Variants in TBC1D32 observed in about 807,000 individuals in gnomAD.
The protein encoded by TBC1D32 is protein broad-minded.
Under a neutral mutation model 170.3 loss-of-function variants are expected in TBC1D32, and 151 were observed. That is an observed-to-expected ratio of 0.89 (90% CI 0.78 to 1.01). The LOEUF (loss-of-function observed/expected upper bound fraction) is 1.01, where lower values mean the gene tolerates loss of function less well. Ranked by LOEUF, TBC1D32 falls within the 50% of genes least tolerant of loss-of-function variation. The probability of loss-of-function intolerance (pLI) is 0.00; values close to 1 mark genes in which losing one functional copy is unlikely to be tolerated. For synonymous variants in TBC1D32, 498 were observed against 488.0 expected, an observed-to-expected ratio of 1.02 and a Z score of -0.27; for missense variants, 1,464 against 1,457.1, an observed-to-expected ratio of 1.00 and a Z score of -0.08.
intron 15 of TBC1D32, among the ~76,000 whole-genome samples, chr6:121,272,345 T>C (rs1183251841): frequency 6.6e-6 from 1 of 152,046 alleles, no homozygotes; most frequent in Non-Finnish European, 1.5e-5. Context: ...AGAAACTTTT[T>C]ACAATCTATC....
At chr6:121,116,182 T>C (rs1282924131) in intron 26 of TBC1D32, among the ~76,000 whole-genome samples, 4 of 152,072 alleles carry the variant, frequency 2.6e-5, no homozygotes, top group African/African-American at 9.7e-5. Flanking sequence ...TTTTTTTTTT[T>C]TTCCTTCATT....
chr6:121,091,587 A>AT (rs1318052747), intron 30 of TBC1D32, among the ~76,000 whole-genome samples: 3 of 152,106 alleles, frequency 2.0e-5, no homozygotes, highest in Non-Finnish European at 4.4e-5. Context: ...TACAAAAGGA[A>AT]TTTTTTTTCC....
intron 21 of TBC1D32, among the ~76,000 whole-genome samples, chr6:121,218,202 T>C (rs1412001121): frequency 6.6e-6 from 1 of 152,122 alleles, no homozygotes; most frequent in Non-Finnish European, 1.5e-5. Context: ...AAGACAACTA[T>C]GCAGGAGAGA....
chr6:121,229,548 T>G (rs777324467), intron 20 of TBC1D32, among the ~76,000 whole-genome samples: 2 of 152,096 alleles, frequency 1.3e-5, no homozygotes, highest in African/African-American at 4.8e-5. Context: ...TTAGATACCT[T>G]GGTAAGACTA....
chr6:121,317,630 A>T lies in TBC1D32; in HGVS notation c.360T>A (p.Ala120=), dbSNP rs776358663. The T allele has an allele frequency of 3.7e-6, 6 of 1,611,352 alleles. No homozygotes were observed. In the South Asian group the frequency reaches 5.5e-5, roughly 15 times the overall value. ...MMHYLKNIMI[A]VVESMINKFE... The stretch of plus-strand genomic sequence containing the variant: ...ACTTGTTAATCATAGACTCGACCAC[A>T]GCTATCATAATGTTCTTCAGGTAAT... The change falls in exon 3 of 32, where the codon GCT becomes GCA. Residue 120 remains alanine, a synonymous_variant. Transcript: ENST00000398212.
intron 21 of TBC1D32, among the ~76,000 whole-genome samples, chr6:121,220,352 T>A (rs999459084): frequency 4.6e-5 from 7 of 152,260 alleles, no homozygotes; most frequent in Admixed American, 3.3e-4. Context: ...AAAGTTTGAG[T>A]GATTTGAAGA....
rs760655363 is a variant in TBC1D32, at chr6:121,106,048, T to A, written c.3440A>T (p.His1147Leu). 2 of 1,607,964 alleles carry A rather than the reference T, an allele frequency of 1.2e-6. No individual in the cohort carries two copies. The highest frequency in any genetic ancestry group is 1.7e-6 in the Non-Finnish European group (2 of 1,175,838). ...AELPLVFSAF[H>L]MSGFAPSQIC... ...CTGTGATGGTGCAAAACCAGACATG[T>A]GAAAAGCTGAAAACACAAGAGGCAA... is the stretch of plus-strand genomic sequence containing the variant. The change falls in exon 30 of 32, where the codon CAC (histidine) becomes CTC (leucine). Residue 1147 changes from histidine to leucine, a missense_variant. Physicochemically the swap from His to Leu is moderately conservative, Grantham distance 99 (BLOSUM62 -3). Around this residue, in one of 3 missense-constraint regions of TBC1D32, gnomAD observed 1,363 missense variants for 1,338.1 expected, o/e 1.02. Transcript: ENST00000398212.
At chr6:121,149,978 T>C (rs989869293) in intron 24 of TBC1D32, among the ~76,000 whole-genome samples, 1 of 152,084 alleles carries the variant, frequency 6.6e-6, no homozygotes, top group Non-Finnish European at 1.5e-5. Flanking sequence ...TTCACATCCC[T>C]TGTAAGTTGG....
At chr6:121,268,036 C>T (rs775248068) in intron 15 of TBC1D32, among the ~76,000 whole-genome samples, 28 of 152,084 alleles carry the variant, frequency 1.8e-4, no homozygotes, top group Non-Finnish European at 3.1e-4. Context: ...AGACCTGCAC[C>T]GGAGGGTCCT....
chr6:121,316,794 C>T (rs1808991915), intron 3 of TBC1D32, among the ~76,000 whole-genome samples: 1 of 152,086 alleles, frequency 6.6e-6, no homozygotes, highest in African/African-American at 2.4e-5. Flanking sequence ...CAGTTATGCC[C>T]CTGTGGTATA....
intron 28 of TBC1D32, 57 bp downstream of exon 28, chr6:121,113,005 A>C: frequency 7.7e-7 from 1 of 1,290,856 alleles, no homozygotes; most frequent in Non-Finnish European, 1.1e-6. Flanking sequence ...TCATCAAAGA[A>C]TCATGAAAAA....
chr6:121,140,041 T>C (rs550835104), intron 24 of TBC1D32, among the ~76,000 whole-genome samples: 47 of 152,252 alleles, frequency 3.1e-4, no homozygotes, highest in African/African-American at 1.1e-3. Context: ...TATTTTCACT[T>C]GTCTACTTTT....
intron 4 of TBC1D32, 91 bp downstream of exon 4, chr6:121,310,688 A>C (rs2128487837): frequency 4.7e-6 from 4 of 843,126 alleles, no homozygotes; most frequent in African/African-American, 1.7e-5. Flanking sequence ...CTTAGCCTCA[A>C]GGGAAACAAC....
At chr6:121,252,283 T>C (rs1006936742) in intron 17 of TBC1D32, among the ~76,000 whole-genome samples, 1 of 152,252 alleles carries the variant, frequency 6.6e-6, no homozygotes, top group African/African-American at 2.4e-5. Flanking sequence ...CATATGTTTA[T>C]TGCAGCATTG....
intron 12 of TBC1D32, among the ~76,000 whole-genome samples, chr6:121,290,549 G>C (rs1352300972): frequency 6.6e-6 from 1 of 152,164 alleles, no homozygotes; most frequent in Non-Finnish European, 1.5e-5. Flanking sequence ...TACACTGTTG[G>C]TGGGACTGTG....
chr6:121,301,929 C>T (rs9375021), intron 9 of TBC1D32, among the ~76,000 whole-genome samples: 108,171 of 151,874 alleles, frequency 0.71, 41,595 homozygotes, highest in South Asian at 0.88. Context: ...CGCACCTGGC[C>T]GGGAATACAA....
chr6:121,154,715 T>C (rs1784652721), intron 24 of TBC1D32, among the ~76,000 whole-genome samples: 1 of 152,156 alleles, frequency 6.6e-6, no homozygotes, highest in African/African-American at 2.4e-5. Flanking sequence ...TTAAAGAGTT[T>C]CTGCACAGCA....
rs546199160 is a variant in TBC1D32 at position 121,127,814 on chromosome 6, T to C, written c.2900-1353A>G. On this transcript the variant is annotated intron_variant, in intron 25 of 31. Transcript: ENST00000398212. The stretch of plus-strand genomic sequence containing the variant: ...ACAAAGGTTATACAGAAAGACACTT[T>C]TATAACTCCAAACATAATGTAATTA... Among the ~76,000 whole-genome samples, 11 of 152,294 alleles carry C rather than the reference T, an allele frequency of 7.2e-5. No individual in the cohort carries two copies. In the East Asian group the frequency reaches 2.1e-3, roughly 29 times the overall value.
At chr6:121,300,932 T>A (rs970305074) in intron 9 of TBC1D32, among the ~76,000 whole-genome samples, 1 of 151,992 alleles carries the variant, frequency 6.6e-6, no homozygotes, top group African/African-American at 2.4e-5. Flanking sequence ...AAAAGACACA[T>A]GAAAAAATGC....
Sources: gnomAD v4.1 joint callset for allele counts (sites outside exome capture counted in the v4.1 genomes callset) on GRCh38, gnomAD v4.1.1 for gene constraint, gnomAD v4.1.1 regional missense constraint, MANE v1.5 for transcripts, NCBI Gene and HGNC (gene_info 2026-07-23, HGNC 2026-07-21) for gene names.